Variants in RBFOX1 observed in about 807,000 individuals in gnomAD.
RBFOX1 encodes the protein RNA binding fox-1 homolog 1.
In RBFOX1, 8 loss-of-function variants were observed where a neutral mutation model predicts 57.7. The observed-to-expected ratio is 0.14, with a 90% CI of 0.08 to 0.25. RBFOX1 has a LOEUF of 0.25. Ranked by LOEUF, RBFOX1 falls within the 10% of genes least tolerant of loss-of-function variation. The probability of loss-of-function intolerance (pLI) is 1.00; values close to 1 mark genes in which losing one functional copy is unlikely to be tolerated. For synonymous variants in RBFOX1, 326 were observed against 222.4 expected, an observed-to-expected ratio of 1.47 and a Z score of -4.15; for missense variants, 611 against 548.5, an observed-to-expected ratio of 1.11 and a Z score of -1.14.
rs760576777 is a variant in RBFOX1, at chr16:6,608,617, C to A, written c.-63-45986C>A. Reference sequence around the variant, plus strand: ...GAGCTTGGGCAACATGGCAAGACCCCATCTCTACAAAAATTAACTAGTCAT... The same window carrying A: ...GAGCTTGGGCAACATGGCAAGACCCAATCTCTACAAAAATTAACTAGTCAT... On this transcript the variant is annotated intron_variant, in intron 2 of 15. Coordinates refer to ENST00000550418, the MANE Select transcript of RBFOX1 (RefSeq NM_018723.4). 2.0e-5 allele frequency among the ~76,000 whole-genome samples: 3 copies of A among 152,106 alleles called. No individual in the cohort carries two copies. The South Asian group carries it at 6.2e-4, about 32-fold the overall frequency.
At chr16:5,536,095 G>GCCC (rs566153291) in intron 2 of RBFOX1, among the ~76,000 whole-genome samples, 4 of 48,262 alleles carry the variant, frequency 8.3e-5, no homozygotes, top group African/African-American at 2.6e-4. Flanking sequence ...AAGTCATCAA[G>GCCC]CCCCCCCCCC....
chr16:6,974,519 A>G (rs1408735058), intron 3 of RBFOX1, among the ~76,000 whole-genome samples: 1 of 151,214 alleles, frequency 6.6e-6, no homozygotes, highest in African/African-American at 2.4e-5. Context: ...TAATTGTTGA[A>G]TTTTTAGTAG....
chr16:6,109,734 GT>G (rs1177981525), intron 1 of RBFOX1, among the ~76,000 whole-genome samples: 2 of 152,148 alleles, frequency 1.3e-5, no homozygotes, highest in Non-Finnish European at 2.9e-5. Flanking sequence ...TATTTTATCA[GT>G]ATTATTAAAA....
intron 2 of RBFOX1, among the ~76,000 whole-genome samples, chr16:6,503,479 A>G (rs796951257): frequency 1.3e-5 from 2 of 152,182 alleles, no homozygotes; most frequent in African/African-American, 4.8e-5. Flanking sequence ...TCAGCAGGAC[A>G]TTTCTTCTGA....
chr16:5,708,932 A>C (rs529275762), intron 3 of RBFOX1, among the ~76,000 whole-genome samples: 2 of 152,344 alleles, frequency 1.3e-5, no homozygotes, highest in African/African-American at 2.4e-5. Flanking sequence ...AAGAGGAATG[A>C]AAACAAGAAC....
chr16:5,757,150 C>T (rs1270064096), intron 3 of RBFOX1, among the ~76,000 whole-genome samples: 1 of 151,870 alleles, frequency 6.6e-6, no homozygotes, highest in Non-Finnish European at 1.5e-5. Context: ...CCAAGCTTGC[C>T]CTTGGTCGAT....
chr16:6,161,734 A>G (rs1008564227), intron 1 of RBFOX1, among the ~76,000 whole-genome samples: 1 of 152,188 alleles, frequency 6.6e-6, no homozygotes, highest in African/African-American at 2.4e-5. Flanking sequence ...CCTGGCTTAC[A>G]TTTGGAGAAA....
chr16:6,969,658 G>A (rs937479074), intron 3 of RBFOX1, among the ~76,000 whole-genome samples: 3 of 152,096 alleles, frequency 2.0e-5, no homozygotes, highest in Non-Finnish European at 4.4e-5. Flanking sequence ...GTGGGAGGAT[G>A]GCTTGAGTCT....
At chr16:7,181,605 C>T (rs112259623) in intron 4 of RBFOX1, among the ~76,000 whole-genome samples, 3,458 of 151,984 alleles carry the variant, frequency 0.023, 65 homozygotes, top group Middle Eastern at 0.034. Context: ...CTCTGTTGCC[C>T]AGGCTGGAGT....
intron 3 of RBFOX1, among the ~76,000 whole-genome samples, chr16:6,936,998 C>G (rs559456676): frequency 6.6e-6 from 1 of 150,434 alleles, no homozygotes; most frequent in Admixed American, 6.6e-5. Flanking sequence ...TGCTAGATGA[C>G]GAGTTAGTGG....
chr16:7,179,331 C>G (rs1210266195), intron 4 of RBFOX1, among the ~76,000 whole-genome samples: 1 of 152,002 alleles, frequency 6.6e-6, no homozygotes, highest in Non-Finnish European at 1.5e-5. Flanking sequence ...CAAAGCACCG[C>G]TTTCCCCTTA....
chr16:6,677,958 C>T (rs555931030), intron 3 of RBFOX1, among the ~76,000 whole-genome samples: 4 of 152,196 alleles, frequency 2.6e-5, no homozygotes, highest in African/African-American at 7.2e-5. Flanking sequence ...CCTAGTACCG[C>T]CTAATAGAAA....
chr16:5,997,628 A>T (rs1322417707), intron 4 of RBFOX1, among the ~76,000 whole-genome samples: 1 of 152,222 alleles, frequency 6.6e-6, no homozygotes, highest in Non-Finnish European at 1.5e-5. Context: ...CAGGTGATAA[A>T]TGAATTATGC....
chr16:7,136,182 C>T (rs767017551), intron 4 of RBFOX1, among the ~76,000 whole-genome samples: 10 of 152,170 alleles, frequency 6.6e-5, no homozygotes, highest in Non-Finnish European at 1.0e-4. Context: ...TTTGGCATTT[C>T]CAAGGAACAG....
chr16:6,108,643 C>T (rs371285898), intron 1 of RBFOX1, among the ~76,000 whole-genome samples: 3 of 152,162 alleles, frequency 2.0e-5, no homozygotes, highest in Non-Finnish European at 4.4e-5. Flanking sequence ...TATTCTTTCA[C>T]AGTTCTAGAT....
At chr16:6,878,372 C>G (rs774213471) in intron 3 of RBFOX1, among the ~76,000 whole-genome samples, 2 of 152,116 alleles carry the variant, frequency 1.3e-5, no homozygotes, top group African/African-American at 4.8e-5. Context: ...TTTCTTATCT[C>G]TCTGATATGG....
At chr16:6,741,391 G>C (rs2072061224) in intron 3 of RBFOX1, among the ~76,000 whole-genome samples, 1 of 152,052 alleles carries the variant, frequency 6.6e-6, no homozygotes. Context: ...GGCTGGACGG[G>C]GTGGCTCATG....
chr16:7,594,062 G>C (rs368444513), intron 7 of RBFOX1, among the ~76,000 whole-genome samples: 1 of 152,020 alleles, frequency 6.6e-6, no homozygotes, highest in Non-Finnish European at 1.5e-5. Context: ...TGCCATATTG[G>C]TTTGCTGCAC....
intron 2 of RBFOX1, among the ~76,000 whole-genome samples, chr16:6,590,570 T>C (rs2097696312): frequency 6.6e-6 from 1 of 152,074 alleles, no homozygotes; most frequent in Admixed American, 6.6e-5. Flanking sequence ...TTAGTGAGAG[T>C]TCTACAGGAT....
Sources: allele counts gnomAD v4.1 joint callset (sites outside exome capture counted in the v4.1 genomes callset), GRCh38; gene constraint gnomAD v4.1.1; transcripts MANE v1.5; gene names NCBI Gene and HGNC (gene_info 2026-07-23, HGNC 2026-07-21).